EPB41L2: variants seen among roughly 807,000 people sequenced by gnomAD.
EPB41L2 encodes erythrocyte membrane protein band 4.1 like 2.
EPB41L2 carries 43 observed loss-of-function variants against 113.0 expected under a neutral mutation model. The ratio of observed to expected loss-of-function variants is 0.38; its 90% confidence interval spans 0.30 to 0.49. The LOEUF (loss-of-function observed/expected upper bound fraction) is 0.49, where lower values mean the gene tolerates loss of function less well. Among genes scored for constraint, EPB41L2 ranks in the 20% least tolerant of loss-of-function variants. EPB41L2 has a pLI of 0.95. For synonymous variants in EPB41L2, 442 were observed against 436.7 expected, an observed-to-expected ratio of 1.01 and a Z score of -0.15; for missense variants, 1,147 against 1,223.4, an observed-to-expected ratio of 0.94 and a Z score of 0.93.
chr6:131,036,919 G>A (rs1174388615), intron 1 of EPB41L2, among the ~76,000 whole-genome samples: 3 of 152,220 alleles, frequency 2.0e-5, no homozygotes, highest in African/African-American at 7.2e-5. Flanking sequence ...CTTTTCCACT[G>A]AGAGGGGCAG....
intron 1 of EPB41L2, among the ~76,000 whole-genome samples, chr6:131,032,465 G>A (rs1267980004): frequency 6.6e-6 from 1 of 152,016 alleles, no homozygotes; most frequent in African/African-American, 2.4e-5. Flanking sequence ...AATAAAAATT[G>A]GCATTATTCA....
intron 12 of EPB41L2, among the ~76,000 whole-genome samples, chr6:130,884,439 G>A (rs550652988): frequency 4.6e-5 from 7 of 152,154 alleles, no homozygotes; most frequent in Non-Finnish European, 7.3e-5. Context: ...AAAAAAAGTC[G>A]CTTTGTGCAG....
At chr6:130,901,245 G>A (rs944200787) in intron 6 of EPB41L2, 65 bp from the exon 7 acceptor site, 2 of 1,432,924 alleles carry the variant, frequency 1.4e-6, no homozygotes, top group African/African-American at 2.8e-5. Context: ...AGCACTCACA[G>A]TCCTTAAAAG....
At chr6:131,008,627 C>T (rs1244336286) in intron 1 of EPB41L2, among the ~76,000 whole-genome samples, 1 of 152,218 alleles carries the variant, frequency 6.6e-6, no homozygotes, top group Non-Finnish European at 1.5e-5. Flanking sequence ...CAATGCAAGC[C>T]CATGAAAGCA....
intron 15 of EPB41L2, chr6:130,868,415 C>T (rs1257177597): frequency 6.6e-6 from 1 of 152,190 alleles, no homozygotes; most frequent in African/African-American, 2.4e-5. Flanking sequence ...AGTATGCATG[C>T]TTAATATTAA....
chr6:130,899,792 A>ATATC (rs10682959), intron 7 of EPB41L2, among the ~76,000 whole-genome samples: 1 of 151,584 alleles, frequency 6.6e-6, no homozygotes, highest in Non-Finnish European at 1.5e-5. Context: ...GCATGGAGGT[A>ATATC]TACCTCCACT....
chr6:130,903,387 A>C (rs1796819757), intron 6 of EPB41L2, among the ~76,000 whole-genome samples: 1 of 138,892 alleles, frequency 7.2e-6, no homozygotes, highest in East Asian at 2.2e-4. Context: ...CATATTCAGC[A>C]ACAAGTAGTT....
At chr6:130,970,681 G>A (rs925647826) in intron 1 of EPB41L2, among the ~76,000 whole-genome samples, 3 of 151,952 alleles carry the variant, frequency 2.0e-5, no homozygotes, top group Admixed American at 2.0e-4. Flanking sequence ...CTGCAACTTT[G>A]TTTTTATTTT....
intron 14 of EPB41L2, among the ~76,000 whole-genome samples, chr6:130,870,845 T>A: frequency 6.6e-6 from 1 of 152,022 alleles, no homozygotes; most frequent in East Asian, 1.9e-4. Flanking sequence ...AAGTTTTAAT[T>A]GGCAAAATTA....
At chr6:131,062,063 A>C (rs553837640) in intron 1 of EPB41L2, among the ~76,000 whole-genome samples, 43 of 152,222 alleles carry the variant, frequency 2.8e-4, no homozygotes, top group African/African-American at 1.0e-3. Context: ...AATTAAGGGC[A>C]GCTGTGGTGT....
intron 1 of EPB41L2, among the ~76,000 whole-genome samples, chr6:131,046,708 G>A (rs534925927): frequency 2.0e-5 from 3 of 152,172 alleles, no homozygotes; most frequent in South Asian, 2.1e-4. Context: ...TTTTTAAGGG[G>A]GAAGAAGGAA....
At chr6:130,949,508 C>A (rs1461927077) in intron 3 of EPB41L2, among the ~76,000 whole-genome samples, 1 of 150,806 alleles carries the variant, frequency 6.6e-6, no homozygotes, top group Non-Finnish European at 1.5e-5. Context: ...GAGGCTGAGG[C>A]AAGAAGAGGG....
intron 1 of EPB41L2, among the ~76,000 whole-genome samples, chr6:130,995,923 T>C (rs1227472495): frequency 4.6e-5 from 7 of 152,218 alleles, no homozygotes; most frequent in Non-Finnish European, 8.8e-5. Context: ...TTAACCATAT[T>C]GGAACATATA....
chr6:131,012,864 A>G (rs1006473882), intron 1 of EPB41L2, among the ~76,000 whole-genome samples: 28 of 152,216 alleles, frequency 1.8e-4, no homozygotes, highest in Non-Finnish European at 3.8e-4. Flanking sequence ...AACCAACTCT[A>G]TCTTCATTCC....
chr6:130,864,196 G>C (rs1175226214), intron 17 of EPB41L2, among the ~76,000 whole-genome samples: 1 of 152,214 alleles, frequency 6.6e-6, no homozygotes, highest in Admixed American at 6.5e-5. Flanking sequence ...GAAACTGTTT[G>C]ATGTGATATA....
chr6:131,022,583 T>C lies in EPB41L2; in HGVS notation c.-15+40572A>G, dbSNP rs60697593. On this transcript the variant is annotated intron_variant, in intron 1 of 19. Transcript: ENST00000337057. ...AAGTCATTTAATCTCCTTGCCTTGG[T>C]TTCCTCAACTGTAAAAGGAAAATAA... Among the ~76,000 whole-genome samples the C allele has an allele frequency of 0.02, 3,099 of 152,300 alleles. 205 individuals carry two copies. The East Asian group carries it at 0.27, about 13-fold the overall frequency.
At chr6:131,003,550 C>T (rs573225454) in intron 1 of EPB41L2, among the ~76,000 whole-genome samples, 1 of 152,248 alleles carries the variant, frequency 6.6e-6, no homozygotes, top group Non-Finnish European at 1.5e-5. Context: ...TTTGTTTTTC[C>T]ACTACTACTT....
intron 1 of EPB41L2, among the ~76,000 whole-genome samples, chr6:131,025,291 T>A (rs1159396633): frequency 6.6e-6 from 1 of 152,178 alleles, no homozygotes; most frequent in East Asian, 1.9e-4. Context: ...GTACTTAGCA[T>A]AATACCACAA....
chr6:131,005,941 T>C (rs1325720890), intron 1 of EPB41L2, among the ~76,000 whole-genome samples: 1 of 152,088 alleles, frequency 6.6e-6, no homozygotes, highest in Non-Finnish European at 1.5e-5. Context: ...CAAAAAGCCT[T>C]CTCCCTGACA....
Sources: allele counts gnomAD v4.1 joint callset (sites outside exome capture counted in the v4.1 genomes callset), GRCh38; gene constraint gnomAD v4.1.1; transcripts MANE v1.5; gene names NCBI Gene and HGNC (gene_info 2026-07-23, HGNC 2026-07-21).